TAB2: variants seen among roughly 807,000 people sequenced by gnomAD.
TAB2 encodes TGF-beta-activated kinase 1 and MAP3K7-binding protein 2.
A neutral mutation model predicts 65.0 loss-of-function variants in TAB2; 3 were observed. That is an observed-to-expected ratio of 0.05 (90% CI 0.02 to 0.12). The LOEUF (loss-of-function observed/expected upper bound fraction) is 0.12. Among genes scored for constraint, TAB2 ranks in the 10% least tolerant of loss-of-function variants. The pLI, the probability that TAB2 is intolerant of heterozygous loss-of-function variation, is 1.00. For synonymous variants in TAB2, 298 were observed against 285.1 expected, an observed-to-expected ratio of 1.05 and a Z score of -0.46; for missense variants, 623 against 840.3, an observed-to-expected ratio of 0.74 and a Z score of 3.20.
intron 1 of TAB2, among the ~76,000 whole-genome samples, chr6:149,270,747 A>G (rs1473610189): frequency 6.6e-6 from 1 of 152,230 alleles, no homozygotes; most frequent in Non-Finnish European, 1.5e-5. Context: ...TGTATTATCC[A>G]GAGCTTGGGG....
chr6:149,229,176 G>T (rs1389297954), intron 1 of TAB2, among the ~76,000 whole-genome samples: 1 of 152,184 alleles, frequency 6.6e-6, no homozygotes, highest in Non-Finnish European at 1.5e-5. Context: ...AAAACCTAAG[G>T]ATAGGGCAGG....
At chr6:149,340,688 T>C (rs1780087146) in intron 1 of TAB2, among the ~76,000 whole-genome samples, 1 of 152,156 alleles carries the variant, frequency 6.6e-6, no homozygotes, top group African/African-American at 2.4e-5. Flanking sequence ...AGTTACTGAA[T>C]GGAAATCCTC....
intron 1 of TAB2, among the ~76,000 whole-genome samples, chr6:149,362,306 T>C (rs1780877734): frequency 6.6e-6 from 1 of 152,230 alleles, no homozygotes; most frequent in Non-Finnish European, 1.5e-5. Flanking sequence ...GTGCTGGGCA[T>C]CTGCTTCGCT....
chr6:149,320,657 A>G (rs1779420198), intron 1 of TAB2, among the ~76,000 whole-genome samples: 1 of 147,804 alleles, frequency 6.8e-6, no homozygotes, highest in Admixed American at 6.8e-5. Context: ...AGGAATGTGT[A>G]TTTTCTAAAA....
chr6:149,273,031 C>T (rs1037874883), intron 1 of TAB2, among the ~76,000 whole-genome samples: 5 of 152,058 alleles, frequency 3.3e-5, no homozygotes, highest in Admixed American at 6.6e-5. Context: ...CTTACCTCCC[C>T]GCACCCTTCG....
Position 149,378,147 on chromosome 6 carries a change from C to T in TAB2, c.232C>T (p.Leu78Phe), listed in dbSNP as rs761103009. The T allele has an allele frequency of 6.2e-7, 1 of 1,614,178 alleles. No homozygotes were observed. The highest frequency in any genetic ancestry group is 8.5e-7 in the Non-Finnish European group (1 of 1,180,042). Residue 78 changes from leucine to phenylalanine, a missense_variant, in exon 3 of 7, where the codon CTC (leucine) becomes TTC (phenylalanine). Transcript: ENST00000637181. ...ISGLRNHMTS[L>F]NLDLQSQNIY... is the part of the protein sequence containing the mutation. Reference sequence around the variant, plus strand: ...TGGTCTACGCAATCACATGACTTCTCTCAACTTGGACTTGCAATCACAGAA... The same window carrying T: ...TGGTCTACGCAATCACATGACTTCTTTCAACTTGGACTTGCAATCACAGAA...
intron 1 of TAB2, among the ~76,000 whole-genome samples, chr6:149,283,649 G>T (rs1778615899): frequency 6.6e-6 from 1 of 152,160 alleles, no homozygotes; most frequent in Non-Finnish European, 1.5e-5. Flanking sequence ...GGCAGAGATT[G>T]CAGTGAGCCG....
intron 1 of TAB2, among the ~76,000 whole-genome samples, chr6:149,302,663 T>C (rs1778990392): frequency 6.6e-6 from 1 of 152,238 alleles, no homozygotes; most frequent in Admixed American, 6.5e-5. Flanking sequence ...AAGGTCTTGC[T>C]GAACTTTCTC....
chr6:149,317,417 AGCC>A (rs5880831), upstream of TAB2: 140,002 of 169,096 alleles, frequency 0.83, 58,290 homozygotes, highest in Middle Eastern at 0.88. This position sits in a 1 kb window ranked among gnomAD's most constrained non-coding sequence, Gnocchi z 4.7. Context: ...CCGCAGCCGC[AGCC>A]GCCGCCGCCG....
At chr6:149,386,694 A>G (rs1385628251) in intron 3 of TAB2, among the ~76,000 whole-genome samples, 3 of 152,146 alleles carry the variant, frequency 2.0e-5, no homozygotes, top group Non-Finnish European at 4.4e-5. Context: ...CAGCAGTGGA[A>G]TTGTTGCCAT....
At chr6:149,308,018 A>G (rs1779099501) in intron 1 of TAB2, among the ~76,000 whole-genome samples, 1 of 152,226 alleles carries the variant, frequency 6.6e-6, no homozygotes, top group East Asian at 1.9e-4. Flanking sequence ...ATATTATATT[A>G]TGACATCTTT....
chr6:149,228,630 A>G (rs946475421), intron 1 of TAB2, among the ~76,000 whole-genome samples: 16 of 152,260 alleles, frequency 1.1e-4, no homozygotes, highest in Admixed American at 9.8e-4. Flanking sequence ...CTAATGGCTT[A>G]GCCCCCTAAC....
At chr6:149,336,921 A>AT (rs575267560) in intron 1 of TAB2, among the ~76,000 whole-genome samples, 988 of 39,304 alleles carry the variant, frequency 0.025, 9 homozygotes, top group Admixed American at 0.11. Flanking sequence ...ATGCATTTAG[A>AT]TAAAAAAAAA....
intron 1 of TAB2, chr6:149,304,051 C>G (rs942442460): frequency 1.3e-5 from 2 of 152,250 alleles, no homozygotes; most frequent in African/African-American, 4.8e-5. Context: ...TTTAAACAAC[C>G]TCTGCAGTTT....
chr6:149,283,931 T>G (rs926026877), intron 1 of TAB2, among the ~76,000 whole-genome samples: 2 of 152,198 alleles, frequency 1.3e-5, no homozygotes, highest in African/African-American at 4.8e-5. Flanking sequence ...GGACACAAGT[T>G]ATGACAATTT....
chr6:149,319,000 C>A (rs1779350990), intron 1 of TAB2, among the ~76,000 whole-genome samples: 1 of 152,176 alleles, frequency 6.6e-6, no homozygotes. Context: ...CTGTTGAGTA[C>A]CCTTATTCAT....
intron 1 of TAB2, among the ~76,000 whole-genome samples, chr6:149,329,899 T>C (rs915057068): frequency 6.6e-6 from 1 of 152,178 alleles, no homozygotes; most frequent in African/African-American, 2.4e-5. Context: ...ATTATGTATA[T>C]GTATAAATTC....
intron 1 of TAB2, among the ~76,000 whole-genome samples, chr6:149,365,739 A>T (rs981752543): frequency 1.3e-5 from 2 of 151,844 alleles, no homozygotes; most frequent in Non-Finnish European, 2.9e-5. Flanking sequence ...TGAATCTCCA[A>T]TTACAAGTAT....
rs78425978 is a variant in TAB2 at position 149,226,904 on chromosome 6, G to A, written c.-121+8128G>A. Among the ~76,000 whole-genome samples, 246 of 152,336 alleles carry A rather than the reference G, an allele frequency of 1.6e-3. 11 individuals are homozygous for A. The South Asian group carries it at 0.027, about 17-fold the overall frequency. ...TCAACGAAGTGTTTAGAGCTCAAAA[G>A]TGTTGGATAAATGAATCAGTCTATG... On this transcript the variant is annotated intron_variant, in intron 1 of 1. Transcript: ENST00000606202.
Sources: allele counts gnomAD v4.1 joint callset (sites outside exome capture counted in the v4.1 genomes callset), GRCh38; gene constraint gnomAD v4.1.1; non-coding constraint Gnocchi (gnomAD v3.1); transcripts MANE v1.5; gene names NCBI Gene and HGNC (gene_info 2026-07-23, HGNC 2026-07-21).